The following ATP9B variants were observed in gnomAD, a reference collection of about 807,000 sequenced individuals.
The protein encoded by ATP9B is probable phospholipid-transporting ATPase IIB.
ATP9B carries 110 observed loss-of-function variants against 146.1 expected under a neutral mutation model. The ratio of observed to expected loss-of-function variants is 0.75; its 90% confidence interval spans 0.65 to 0.88. The LOEUF is 0.88. Among genes scored for constraint, ATP9B ranks in the 40% least tolerant of loss-of-function variants. The probability of loss-of-function intolerance (pLI) is 0.00; values close to 1 mark genes in which losing one functional copy is unlikely to be tolerated. For synonymous variants in ATP9B, 604 were observed against 569.7 expected (o/e 1.06, Z -0.86); for missense variants, 1,499 against 1,496.4 (o/e 1.00, Z -0.03).
At chr18:79,096,974 A>G (rs372517769) in intron 2 of ATP9B, among the ~76,000 whole-genome samples, 6 of 152,102 alleles carry the variant, frequency 3.9e-5, no homozygotes, top group African/African-American at 1.2e-4. Flanking sequence ...CCTGGACAAC[A>G]TGGTGAAACC....
chr18:79,167,703 A>T (rs185798034), intron 7 of ATP9B, among the ~76,000 whole-genome samples: 33 of 152,230 alleles, frequency 2.2e-4, no homozygotes, highest in African/African-American at 7.5e-4. Context: ...GGCCTAGAAA[A>T]AGCACTATCC....
At chr18:79,279,856 G>C (rs896684809) in intron 13 of ATP9B, among the ~76,000 whole-genome samples, 2 of 152,188 alleles carry the variant, frequency 1.3e-5, no homozygotes, top group African/African-American at 4.8e-5. Context: ...AGAAACTCCT[G>C]TTCACTCTTG....
chr18:79,275,080 C>G (rs182573639), intron 12 of ATP9B, among the ~76,000 whole-genome samples: 2 of 152,204 alleles, frequency 1.3e-5, no homozygotes, highest in Admixed American at 6.5e-5. Context: ...CAGGCTGACA[C>G]TCTTCAAAAC....
intron 25 of ATP9B, among the ~76,000 whole-genome samples, chr18:79,356,435 G>A (rs1411574079): frequency 6.6e-6 from 1 of 152,186 alleles, no homozygotes; most frequent in Non-Finnish European, 1.5e-5. Context: ...CCTGTGCAGT[G>A]AATATTTACA....
At chr18:79,344,073 T>C in intron 20 of ATP9B, 192 bp from the exon 21 acceptor site, 1 of 608,460 alleles carries the variant, frequency 1.6e-6, no homozygotes, top group Non-Finnish European at 2.9e-6. Flanking sequence ...GTTAACTGAG[T>C]GGATAGACAC....
rs545798026 is a variant in ATP9B at position 79,323,842 on chromosome 18, T to C, written c.1774-5299T>C. On this transcript the variant is annotated intron_variant, in intron 15 of 29. Coordinates refer to ENST00000426216, the MANE Select transcript of ATP9B (RefSeq NM_198531.5). ...TTCCCAGGCGTGGGATTGTGGATTA[T>C]ATGGTGGCTCTGTGTTTAGATTGGG... 2.0e-5 allele frequency among the ~76,000 whole-genome samples: 3 copies of C among 152,316 alleles called. No homozygotes were observed. In the East Asian group the frequency reaches 5.8e-4, roughly 29 times the overall value.
chr18:79,347,213 A>G (rs1460246907), intron 23 of ATP9B, among the ~76,000 whole-genome samples: 8 of 152,222 alleles, frequency 5.3e-5, no homozygotes, highest in Admixed American at 6.5e-5. Context: ...TCACTTAAAT[A>G]TTAATACAGA....
chr18:79,345,890 C>T, intron 23 of ATP9B, 51 bp downstream of exon 23: 2 of 1,589,550 alleles, frequency 1.3e-6, no homozygotes, highest in African/African-American at 1.3e-5. Flanking sequence ...CACACATCAA[C>T]ACGACTCAGC....
At chr18:79,245,922 TGCGGAGGGCACCACCCTACTGACTGC>T (rs1599241303) in intron 11 of ATP9B, among the ~76,000 whole-genome samples, 2 of 100,372 alleles carry the variant, frequency 2.0e-5, no homozygotes, top group East Asian at 2.6e-4. Flanking sequence ...CTACTGACTG[TGCGGAGGGCACCACCCTACTGACTGC>T]GCGGAGGGCA....
intron 10 of ATP9B, among the ~76,000 whole-genome samples, chr18:79,210,706 T>C (rs1004557369): frequency 6.6e-6 from 1 of 152,224 alleles, no homozygotes; most frequent in Non-Finnish European, 1.5e-5. Flanking sequence ...CAGGGAGCAG[T>C]GCACACTGGG....
At position 79,327,468 on chromosome 18, in the gene ATP9B, TTCTCCGTGGTTAGCGTGC is replaced by T. The variant is rs1186875965; in HGVS notation, c.1774-1659_1774-1642del. ...TAGTGTGCTCCCCATGGTTAGCGTG[TTCTCCGTGGTTAGCGTGC>T]TCTCCGTGGTTAGTGTGCTCTCTCC... On this transcript the variant is annotated intron_variant, in intron 15 of 29. Transcript: ENST00000426216. Among the ~76,000 whole-genome samples the T allele has an allele frequency of 8.5e-4, 117 of 138,416 alleles. 1 individual carries two copies. The East Asian group carries it at 0.017, about 20-fold the overall frequency. 90.8% of individuals were successfully genotyped at this position (138,416 alleles called of 152,430 possible).
chr18:79,350,167 C>T (rs1037406836), intron 25 of ATP9B, among the ~76,000 whole-genome samples: 13 of 152,224 alleles, frequency 8.5e-5, no homozygotes, highest in Non-Finnish European at 1.6e-4. Flanking sequence ...GCTTCGGACT[C>T]CACGTCCTTC....
intron 1 of ATP9B, among the ~76,000 whole-genome samples, chr18:79,070,381 T>A (rs2071586584): frequency 6.6e-6 from 1 of 152,250 alleles, no homozygotes; most frequent in Non-Finnish European, 1.5e-5. Context: ...AACGCTGATT[T>A]GAGTGTTTAC....
intron 15 of ATP9B, among the ~76,000 whole-genome samples, chr18:79,315,854 G>T (rs1015827464): frequency 3.9e-5 from 6 of 152,166 alleles, no homozygotes; most frequent in Non-Finnish European, 8.8e-5. Context: ...ATGAGATTCA[G>T]CTCAGGTTCC....
chr18:79,209,272 AC>A (rs1422798268), intron 10 of ATP9B, among the ~76,000 whole-genome samples: 1 of 152,252 alleles, frequency 6.6e-6, no homozygotes, highest in Admixed American at 6.5e-5. Flanking sequence ...GAGAAGACTT[AC>A]ATTTTCCATA....
intron 8 of ATP9B, among the ~76,000 whole-genome samples, chr18:79,177,147 T>C (rs565181159): frequency 6.6e-6 from 1 of 152,284 alleles, no homozygotes; most frequent in South Asian, 2.1e-4. Flanking sequence ...TCTTTCTCCT[T>C]CTGCTCACCT....
chr18:79,107,647 A>G (rs962705588), intron 2 of ATP9B, among the ~76,000 whole-genome samples: 3 of 152,222 alleles, frequency 2.0e-5, no homozygotes, highest in Admixed American at 6.5e-5. Context: ...GATTGTCTCC[A>G]AAACATGACT....
chr18:79,200,633 T>G lies in ATP9B; in HGVS notation c.955-6304T>G, dbSNP rs192914879. 2.2e-4 allele frequency among the ~76,000 whole-genome samples: 17 copies of G among 78,668 alleles called. 1 individual carries two copies. The East Asian group carries it at 8.7e-3, about 40-fold the overall frequency. The allele number at this position is 78,668 out of a possible 152,430, so 51.6% of individuals were successfully genotyped here. On this transcript the variant is annotated intron_variant, in intron 9 of 29. Transcript: ENST00000426216. ...TTCATTAAGAAATTATAATAAAGGTTTCTCGGAAATTGCCAAATATCAGAT... is the reference window on the plus strand; with the variant it reads ...TTCATTAAGAAATTATAATAAAGGTGTCTCGGAAATTGCCAAATATCAGAT...
At position 79,295,985 on chromosome 18, in the gene ATP9B, A is replaced by T. The variant is rs538409505; in HGVS notation, c.1412-7619A>T. 3.5e-3 allele frequency among the ~76,000 whole-genome samples: 528 copies of T among 152,230 alleles called. 2 individuals carry two copies. The highest frequency in any genetic ancestry group is 0.012 in the African/African-American group (494 of 41,538). On this transcript the variant is annotated intron_variant, in intron 13 of 29. Transcript: ENST00000426216. ...TTGGTTTATGGTATTTTTTAATTTTAATTTTTATTTTTTGAGACAGGGTCT... is the reference window on the plus strand; with the variant it reads ...TTGGTTTATGGTATTTTTTAATTTTTATTTTTATTTTTTGAGACAGGGTCT...
Sources: gnomAD v4.1 joint callset for allele counts (sites outside exome capture counted in the v4.1 genomes callset) on GRCh38, gnomAD v4.1.1 for gene constraint, MANE v1.5 for transcripts, NCBI Gene and HGNC (gene_info 2026-07-23, HGNC 2026-07-21) for gene names.